SH3GL2: variants seen among roughly 807,000 people sequenced by gnomAD.
SH3GL2 encodes SH3 domain containing GRB2 like 2, endophilin A1.
A neutral mutation model predicts 46.0 loss-of-function variants in SH3GL2; 24 were observed. The observed-to-expected ratio is 0.52, with a 90% CI of 0.38 to 0.73. The LOEUF (loss-of-function observed/expected upper bound fraction) is 0.73, where lower values mean the gene tolerates loss of function less well. SH3GL2 is among the 30% of genes least tolerant of loss of function. SH3GL2 has a pLI of 0.00. For missense variants in SH3GL2, 413 were observed against 424.2 expected (o/e 0.97, Z 0.23); for synonymous variants, 196 against 147.1 (o/e 1.33, Z -2.40).
In SH3GL2 at chr9:17,579,186, A is replaced by G; in HGVS notation, c.-57A>G. The stretch of plus-strand genomic sequence containing the variant: ...AGCGCGCCGCCCCGCTCGGCCCTCC[A>G]GTCCCCCTCCGCCTCCTCCCTCCCG... On this transcript the variant is annotated 5_prime_UTR_variant, in exon 1 of 9. Transcript: ENST00000380607. The G allele has an allele frequency of 5.9e-6, 8 of 1,351,782 alleles. No individual in the cohort carries two copies. Among genetic ancestry groups the G allele is most frequent in the South Asian group, 2.6e-5 (2 of 76,680 alleles). 83.7% of individuals were successfully genotyped at this position (1,351,782 alleles called of 1,614,324 possible).
intron 1 of SH3GL2, among the ~76,000 whole-genome samples, chr9:17,621,914 G>C (rs988582082): frequency 1.3e-5 from 2 of 152,084 alleles, no homozygotes; most frequent in Admixed American, 6.5e-5. Flanking sequence ...TAAAAATGTT[G>C]CTCTACAACC....
intron 3 of SH3GL2, 102 bp from the exon 4 acceptor site, chr9:17,786,279 G>T: frequency 9.5e-7 from 1 of 1,050,916 alleles, no homozygotes; most frequent in South Asian, 1.6e-5. Context: ...ATCAGTAGCT[G>T]AGCTACTTTG....
rs546425382 is a variant in SH3GL2, at chr9:17,754,995, T to C, written c.115-6442T>C. 8.5e-5 allele frequency among the ~76,000 whole-genome samples: 13 copies of C among 152,326 alleles called. No individual in the cohort carries two copies. The East Asian group carries it at 2.1e-3, about 25-fold the overall frequency. ...GCTTTATTTCTTTCTCTTGCCTAAT[T>C]GGCCTGGTCAGGACTTCCAATACTA... On this transcript the variant is annotated intron_variant, in intron 2 of 8. Transcript: ENST00000380607.
At chr9:17,626,876 C>T (rs931911300) in intron 1 of SH3GL2, among the ~76,000 whole-genome samples, 3 of 152,104 alleles carry the variant, frequency 2.0e-5, no homozygotes, top group Non-Finnish European at 2.9e-5. Flanking sequence ...GAAGAGGAGG[C>T]CTTGAAAATA....
intron 1 of SH3GL2, among the ~76,000 whole-genome samples, chr9:17,691,046 G>C (rs1439110707): frequency 6.6e-6 from 1 of 152,162 alleles, no homozygotes; most frequent in East Asian, 1.9e-4. Flanking sequence ...TTGTGAAACA[G>C]AGACTTCTGA....
Position 17,619,062 on chromosome 9 carries a change from A to G in SH3GL2, c.45+39775A>G, listed in dbSNP as rs180939020. 1.1e-4 allele frequency among the ~76,000 whole-genome samples: 17 copies of G among 152,326 alleles called. No individual in the cohort carries two copies. In the East Asian group the frequency reaches 3.3e-3, roughly 29 times the overall value. On this transcript the variant is annotated intron_variant, in intron 1 of 8. Transcript: ENST00000380607. Reference sequence around the variant, plus strand: ...ACTGTATGGTACTTAACTGTGCGCTAGATACAATTCTCAGCACTTTATGTG... The same window carrying G: ...ACTGTATGGTACTTAACTGTGCGCTGGATACAATTCTCAGCACTTTATGTG...
rs149114553 is a variant in SH3GL2, at chr9:17,789,269, C to T, written c.466-123C>T. ...GCATGTTTCTTTATTTCTCTGGTGG[C>T]GTTGTATTTTAAAACTTAGCCTATC... On this transcript the variant is annotated intron_variant, in intron 5 of 8. Transcript: ENST00000380607. The T allele has an allele frequency of 3.6e-4, 255 of 703,692 alleles. 2 individuals are homozygous for T. The highest frequency in any genetic ancestry group is 2.6e-3 in the African/African-American group (145 of 56,478). The allele number at this position is 703,692 out of a possible 1,614,324, so 43.6% of individuals were successfully genotyped here.
intron 3 of SH3GL2, among the ~76,000 whole-genome samples, chr9:17,777,974 C>T (rs1470148397): frequency 6.6e-6 from 1 of 151,876 alleles, no homozygotes; most frequent in Non-Finnish European, 1.5e-5. Context: ...ATATTTATAG[C>T]CGAACCCACC....
chr9:17,643,689 G>T (rs570737915), intron 1 of SH3GL2, among the ~76,000 whole-genome samples: 4 of 152,316 alleles, frequency 2.6e-5, no homozygotes, highest in African/African-American at 9.6e-5. Context: ...AAGCCGACTT[G>T]ATCGTGGTGG....
intron 1 of SH3GL2, among the ~76,000 whole-genome samples, chr9:17,611,059 T>C (rs1818855488): frequency 6.6e-6 from 1 of 152,188 alleles, no homozygotes; most frequent in South Asian, 2.1e-4. Flanking sequence ...TGAGAGTTAT[T>C]CATTGTGACA....
chr9:17,623,291 A>G (rs776427330), intron 1 of SH3GL2, among the ~76,000 whole-genome samples: 2 of 151,880 alleles, frequency 1.3e-5, no homozygotes, highest in Non-Finnish European at 2.9e-5. Context: ...TGTCCTGTCC[A>G]TAGGAGGAGC....
chr9:17,697,987 G>C (rs939740856), intron 1 of SH3GL2, among the ~76,000 whole-genome samples: 2 of 152,234 alleles, frequency 1.3e-5, no homozygotes, highest in Non-Finnish European at 2.9e-5. Context: ...CGTTCCGTTT[G>C]TCTGTGTGCT....
At chr9:17,641,158 A>T (rs555793559) in intron 1 of SH3GL2, among the ~76,000 whole-genome samples, 37 of 151,950 alleles carry the variant, frequency 2.4e-4, no homozygotes, top group Non-Finnish European at 4.3e-4. Context: ...AATATTATAA[A>T]CTCTGTGCTT....
At chr9:17,688,224 C>T (rs1024894471) in intron 1 of SH3GL2, among the ~76,000 whole-genome samples, 4 of 152,040 alleles carry the variant, frequency 2.6e-5, no homozygotes, top group African/African-American at 9.7e-5. Flanking sequence ...ATGGGAGACT[C>T]AGCATCACAA....
chr9:17,598,814 C>T (rs1818618727), intron 1 of SH3GL2, among the ~76,000 whole-genome samples: 1 of 152,164 alleles, frequency 6.6e-6, no homozygotes, highest in Admixed American at 6.5e-5. Context: ...CCATTATGCC[C>T]ATTTTACTGA....
At chr9:17,755,812 A>C in intron 2 of SH3GL2, 1 of 982,494 alleles carries the variant, frequency 1.0e-6, no homozygotes, top group South Asian at 4.7e-5. Context: ...AGGAAATACC[A>C]ACTTTTCTTC....
rs536279418 is a variant in SH3GL2, at chr9:17,766,550, T to C, written c.187+5041T>C. ...TAGGATGCAAGCCACATATGTAATT[T>C]TGAATTTTCTAGAAACCACATTATA... On this transcript the variant is annotated intron_variant, in intron 3 of 8. Transcript: ENST00000380607. Among the ~76,000 whole-genome samples the C allele has an allele frequency of 7.2e-5, 11 of 152,336 alleles. 1 individual carries two copies. The highest frequency in any genetic ancestry group is 2.2e-4 in the African/African-American group (9 of 41,590).
chr9:17,797,070 A>G lies in SH3GL2; in HGVS notation c.*1327A>G, dbSNP rs987237195. The G allele has an allele frequency of 6.6e-6, 1 of 152,634 alleles. No homozygotes were observed. The highest frequency in any genetic ancestry group is 2.4e-5 in the African/African-American group (1 of 41,446). The allele number at this position is 152,634 out of a possible 1,614,324, so 9.5% of individuals were successfully genotyped here. A position where few individuals can be genotyped will look rare whatever the true frequency, so the allele number is the denominator to read the frequency against. On this transcript the variant is annotated 3_prime_UTR_variant, in exon 9 of 9. Transcript: ENST00000380607. Reference sequence around the variant, plus strand: ...AGGCAAATCTTACTGCTTAATGTATAAACTCTCACCACAGGAAGCATCGCT... The same window carrying G: ...AGGCAAATCTTACTGCTTAATGTATGAACTCTCACCACAGGAAGCATCGCT...
chr9:17,744,010 A>G (rs898312860), intron 1 of SH3GL2, among the ~76,000 whole-genome samples: 1 of 152,218 alleles, frequency 6.6e-6, no homozygotes, highest in Non-Finnish European at 1.5e-5. Flanking sequence ...CTCTTTGACA[A>G]CAAATGGAAT....
Sources: gnomAD v4.1 joint callset for allele counts (sites outside exome capture counted in the v4.1 genomes callset) on GRCh38, gnomAD v4.1.1 for gene constraint, MANE v1.5 for transcripts, NCBI Gene and HGNC (gene_info 2026-07-23, HGNC 2026-07-21) for gene names.